The following POLR1A variants were observed in gnomAD, a reference collection of about 807,000 sequenced individuals.
The protein encoded by POLR1A is DNA-directed RNA polymerase I subunit RPA1.
In POLR1A, 84 loss-of-function variants were observed where a neutral mutation model predicts 205.3. That is an observed-to-expected ratio of 0.41 (90% CI 0.34 to 0.49). The LOEUF is 0.49. Among genes scored for constraint, POLR1A ranks in the 20% least tolerant of loss-of-function variants. The pLI is 0.22. For synonymous variants in POLR1A, 799 were observed against 863.7 expected (o/e 0.93, Z 1.31); for missense variants, 1,645 against 2,204.5 (o/e 0.75, Z 5.08).
intron 3 of POLR1A, 47 bp from the exon 4 acceptor site, chr2:86,089,976 C>T: frequency 1.0e-6 from 1 of 997,716 alleles, no homozygotes; most frequent in Non-Finnish European, 1.6e-6. Context: ...ATGTACACCT[C>T]TGATGAGCAG....
At chr2:86,043,974 T>C (rs1253418997) in intron 22 of POLR1A, among the ~76,000 whole-genome samples, 165 bp downstream of exon 22, 1 of 152,210 alleles carries the variant, frequency 6.6e-6, no homozygotes, top group Non-Finnish European at 1.5e-5. Flanking sequence ...GGCTTTGAAA[T>C]TGTCAAGTGT....
chr2:86,079,052 G>C, intron 9 of POLR1A, among the ~76,000 whole-genome samples: 1 of 152,148 alleles, frequency 6.6e-6, no homozygotes, highest in Non-Finnish European at 1.5e-5. Flanking sequence ...TCCAGTGTGG[G>C]CAGATAAGAG....
chr2:86,046,039 C>T (rs142865271), intron 19 of POLR1A, among the ~76,000 whole-genome samples: 2 of 142,494 alleles, frequency 1.4e-5, no homozygotes, highest in East Asian at 2.1e-4. Context: ...TCAGAACCAT[C>T]TCATGTTATA....
intron 13 of POLR1A, among the ~76,000 whole-genome samples, chr2:86,067,034 T>G (rs1272773172): frequency 6.6e-6 from 1 of 152,206 alleles, no homozygotes; most frequent in Non-Finnish European, 1.5e-5. Flanking sequence ...TAATTACAGG[T>G]TCTGTGATCT....
chr2:86,070,087 G>A lies in POLR1A; in HGVS notation c.1797C>T (p.Pro599=). 6.2e-7 allele frequency: 1 copy of A among 1,614,162 alleles called. No homozygotes were observed. The highest frequency in any genetic ancestry group is 8.5e-7 in the Non-Finnish European group (1 of 1,180,000). ...FDGDEMNAHF[P]QSELGRAEAY... is the part of the protein sequence containing the mutation. The stretch of plus-strand genomic sequence containing the variant: ...CCTCGGCCCGGCCCAGCTCACTCTG[G>A]GGGAAATGGGCATTCATCTCGTCTC... Residue 599 remains proline (P), a synonymous_variant, in exon 13 of 34, where the codon CCC becomes CCT. Transcript: ENST00000263857. This position sits in a 1 kb window ranked among gnomAD's most constrained non-coding sequence, Gnocchi z 4.4.
Position 86,031,404 on chromosome 2 carries a change from C to G in POLR1A, c.4504G>C (p.Val1502Leu). ...PQGPEAMERRVQAVREIHPFI... is the reference protein window; with the variant it reads ...PQGPEAMERRLQAVREIHPFI... ...GGGTGGATCTCACGCACAGCCTGGA[C>G]CCGGCGCTCCATGGCCTCGGGCCCC... Residue 1502 changes from valine to leucine, a missense_variant, in exon 30 of 34, where the codon GTC (valine) becomes CTC (leucine). This residue lies in a region of POLR1A where 394 missense variants were observed against 468.5 expected (regional missense o/e 0.84). Transcript: ENST00000263857. The G allele has an allele frequency of 6.2e-7, 1 of 1,612,816 alleles. No individual in the cohort carries two copies. The highest frequency in any genetic ancestry group is 8.5e-7 in the Non-Finnish European group (1 of 1,179,240).
At chr2:86,083,206 G>A (rs753877233) in intron 6 of POLR1A, 38 bp from the exon 7 acceptor site, 1 of 1,387,104 alleles carries the variant, frequency 7.2e-7, no homozygotes, top group South Asian at 1.2e-5. Flanking sequence ...CAATAAATCA[G>A]AAACAGGTAC....
chr2:86,085,823 C>T (rs915442988), intron 6 of POLR1A, among the ~76,000 whole-genome samples: 12 of 152,204 alleles, frequency 7.9e-5, no homozygotes, highest in Admixed American at 7.9e-4. Flanking sequence ...TTTCTTTCAG[C>T]TGTAAGAGGT....
chr2:86,064,118 G>C (rs984057947), intron 14 of POLR1A, among the ~76,000 whole-genome samples: 3 of 152,176 alleles, frequency 2.0e-5, no homozygotes, highest in African/African-American at 7.2e-5. Context: ...TTTTGCTTCT[G>C]TCACGGGTGA....
Position 86,070,881 on chromosome 2 carries a change from C to T in POLR1A, c.1612-609G>A, listed in dbSNP as rs994005128. The stretch of plus-strand genomic sequence containing the variant: ...GTAAATTGTCATAGTCTTTTGGGAA[C>T]AGAGTTTGAAAATAGCAATTAAAAC... On this transcript the variant is annotated intron_variant, in intron 12 of 33. Transcript: ENST00000263857. The surrounding 1 kb of genome is among the most constrained non-coding windows in gnomAD (Gnocchi z 4.4). Among the ~76,000 whole-genome samples, 8 of 151,852 alleles carry T rather than the reference C, an allele frequency of 5.3e-5. No individual in the cohort carries two copies. The highest frequency in any genetic ancestry group is 1.2e-4 in the African/African-American group (5 of 41,322).
chr2:86,052,994 TG>T lies in POLR1A; in HGVS notation c.2214del (p.Ile739SerfsTer40), dbSNP rs1452187741. The T allele has an allele frequency of 6.3e-7, 1 of 1,579,940 alleles. No individual in the cohort carries two copies. Among genetic ancestry groups the T allele is most frequent in the Admixed American group, 1.8e-5 (1 of 55,778 alleles). ...CCGCAGAGCAGCTCCCCTTCCCTGA[TG>T]ATCACCTGCAGAGGGCAAGGCCACC... Reference protein sequence around the residue: ...NPDSMCESQVIIREGELLCGV... With the variant: ...NPDSMCESQVXIREGELLCGV... On this transcript the variant is annotated frameshift_variant, in exon 16 of 34. Transcript: ENST00000263857. LOFTEE classifies it high-confidence loss of function.
At chr2:86,078,340 G>A in intron 9 of POLR1A, 56 bp from the exon 10 acceptor site, 1 of 1,415,322 alleles carries the variant, frequency 7.1e-7, no homozygotes. Context: ...AAAAGGCCTG[G>A]CTTGATTTAA....
At chr2:86,063,807 C>T (rs1362067915) in intron 14 of POLR1A, among the ~76,000 whole-genome samples, 1 of 152,156 alleles carries the variant, frequency 6.6e-6, no homozygotes, top group African/African-American at 2.4e-5. Context: ...ATTTGGGACC[C>T]TTTTTCTTCT....
chr2:86,083,908 G>A (rs1673448469), intron 6 of POLR1A, among the ~76,000 whole-genome samples: 1 of 152,172 alleles, frequency 6.6e-6, no homozygotes, highest in South Asian at 2.1e-4. Context: ...GCAATACCCA[G>A]GTTACATGAG....
intron 23 of POLR1A, among the ~76,000 whole-genome samples, chr2:86,042,667 T>G (rs1050610035): frequency 6.6e-6 from 1 of 152,238 alleles, no homozygotes; most frequent in Non-Finnish European, 1.5e-5. Context: ...TACCCAGGGC[T>G]CTGTCCAGTG....
chr2:86,029,119 G>A (rs748370384), intron 31 of POLR1A, among the ~76,000 whole-genome samples: 3 of 152,234 alleles, frequency 2.0e-5, no homozygotes, highest in African/African-American at 7.2e-5. Context: ...CCAGTCAGCC[G>A]CACAGGCATG....
chr2:86,030,060 T>C, intron 31 of POLR1A, 136 bp downstream of exon 31: 2 of 700,402 alleles, frequency 2.9e-6, no homozygotes, highest in South Asian at 1.7e-5. Context: ...GTTTGGGGAA[T>C]GTGGCCTGGA....
At position 86,033,784 on chromosome 2, in the gene POLR1A, G is replaced by T. The variant is rs765856748; in HGVS notation, c.4038C>A (p.Phe1346Leu). 2.2e-5 allele frequency: 35 copies of T among 1,613,792 alleles called. No individual in the cohort carries two copies. Among genetic ancestry groups the T allele is most frequent in the Non-Finnish European group, 3.0e-5 (35 of 1,180,000 alleles). The change falls in exon 28 of 34, where the codon TTC becomes TTA. Residue 1346 changes from phenylalanine to leucine, a missense_variant. Physicochemically the swap from Phe to Leu is conservative, Grantham distance 22. This residue lies in a region of POLR1A where 394 missense variants were observed against 468.5 expected (regional missense o/e 0.84). Coordinates refer to ENST00000263857, the MANE Select transcript of POLR1A (RefSeq NM_015425.6). ...EDILRFMETR[F>L]FKLLMESIKK... Reference sequence around the variant, plus strand: ...TGATGGATTCCATCAGAAGTTTAAAGAATCTAAAACAAGAAGAAAGCCAAA... The same window carrying T: ...TGATGGATTCCATCAGAAGTTTAAATAATCTAAAACAAGAAGAAAGCCAAA...
intron 15 of POLR1A, 101 bp downstream of exon 15, chr2:86,054,039 C>T: frequency 1.7e-6 from 2 of 1,183,806 alleles, no homozygotes; most frequent in Non-Finnish European, 2.4e-6. Flanking sequence ...AGGCACAGTA[C>T]CTGCTTCTGT....
Sources: allele counts gnomAD v4.1 joint callset (sites outside exome capture counted in the v4.1 genomes callset), GRCh38; gene constraint gnomAD v4.1.1; regional missense constraint gnomAD v4.1.1; non-coding constraint Gnocchi (gnomAD v3.1); transcripts MANE v1.5; gene names NCBI Gene and HGNC (gene_info 2026-07-23, HGNC 2026-07-21).